The following KAT6B variants were observed in gnomAD, a reference collection of about 807,000 sequenced individuals.
KAT6B encodes lysine acetyltransferase 6B, also known as histone acetyltransferase KAT6B.
Under a neutral mutation model 187.5 loss-of-function variants are expected in KAT6B, and 10 were observed. The observed-to-expected ratio is 0.05, with a 90% CI of 0.03 to 0.09. The LOEUF is 0.09. Among genes scored for constraint, KAT6B ranks in the 10% least tolerant of loss-of-function variants. The probability of loss-of-function intolerance (pLI) is 1.00; values close to 1 mark genes in which losing one functional copy is unlikely to be tolerated. For synonymous variants in KAT6B, 861 were observed against 926.8 expected (o/e 0.93, Z 1.29); for missense variants, 1,952 against 2,558.9 (o/e 0.76, Z 5.12).
intron 1 of KAT6B, among the ~76,000 whole-genome samples, chr10:74,828,442 A>G (rs993615682): frequency 3.4e-5 from 3 of 88,070 alleles, no homozygotes; most frequent in African/African-American, 1.5e-4. Context: ...ATGGGGCCCC[A>G]AGAAGGTTTT....
At chr10:74,860,913 G>A (rs1843132290) in intron 3 of KAT6B, among the ~76,000 whole-genome samples, 1 of 152,158 alleles carries the variant, frequency 6.6e-6, no homozygotes, top group South Asian at 2.1e-4. Context: ...TGAGGCGAGT[G>A]GATCACCTGA....
rs1415385332 is a variant in KAT6B, at chr10:75,030,284, G to A, written c.5460G>A (p.Leu1820=). 1.9e-6 allele frequency: 3 copies of A among 1,614,102 alleles called. No individual in the cohort carries two copies. Among genetic ancestry groups the A allele is most frequent in the African/African-American group, 1.3e-5 (1 of 74,940 alleles). Residue 1820 remains leucine, a synonymous_variant, in exon 18 of 18, where the codon CTG becomes CTA. Transcript: ENST00000287239. This position sits in a 1 kb window ranked among gnomAD's most constrained non-coding sequence, Gnocchi z 4.8. ...QPSATFSLAK[L]QQLTNTLIDH... is the part of the protein sequence containing the mutation. Reference sequence around the variant, plus strand: ...CAGCCACCTTCAGCCTTGCCAAACTGCAGCAGTTAACTAATACACTTATTG... The same window carrying A: ...CAGCCACCTTCAGCCTTGCCAAACTACAGCAGTTAACTAATACACTTATTG...
At chr10:74,914,556 G>A (rs1847511770) in intron 3 of KAT6B, among the ~76,000 whole-genome samples, 3 of 152,160 alleles carry the variant, frequency 2.0e-5, no homozygotes, top group Admixed American at 2.0e-4. Context: ...GATCTTGTGA[G>A]TGAGGGACGT....
At chr10:74,939,123 A>G (rs1468017559) in intron 3 of KAT6B, among the ~76,000 whole-genome samples, 4 of 151,910 alleles carry the variant, frequency 2.6e-5, no homozygotes, top group African/African-American at 9.7e-5. Flanking sequence ...TAGTGTGAAG[A>G]TGGTGTGCTT....
intron 1 of KAT6B, among the ~76,000 whole-genome samples, chr10:74,837,643 G>A (rs965803859): frequency 8.5e-5 from 13 of 152,114 alleles, no homozygotes; most frequent in African/African-American, 3.1e-4. Flanking sequence ...GTTAGATACT[G>A]CTTAGGCTAA....
chr10:74,963,486 T>C (rs950361815), intron 4 of KAT6B, among the ~76,000 whole-genome samples: 2 of 152,128 alleles, frequency 1.3e-5, no homozygotes, highest in Non-Finnish European at 2.9e-5. Flanking sequence ...AAGGCTGCTG[T>C]GATGCAGCTG....
chr10:75,022,026 G>C lies in KAT6B; in HGVS notation c.3167G>C (p.Gly1056Ala). The C allele has an allele frequency of 6.2e-7, 1 of 1,614,076 alleles. No homozygotes were observed. The highest frequency in any genetic ancestry group is 8.5e-7 in the Non-Finnish European group (1 of 1,180,004). The change falls in exon 16 of 18, where the codon GGG becomes GCG. Residue 1056 changes from glycine (G) to alanine (A), a missense_variant. Around this residue, in one of 9 missense-constraint regions of KAT6B, gnomAD observed 758 missense variants for 891.4 expected, o/e 0.85. Coordinates refer to ENST00000287239, the MANE Select transcript of KAT6B (RefSeq NM_012330.4). ...LHSPESRPVT[G>A]ERGQLLELSK... ...TCCCCGGAGAGCCGGCCAGTCACAGGGGAGCGAGGGCAGCTGCTGGAGCTG... is the reference window on the plus strand; with the variant it reads ...TCCCCGGAGAGCCGGCCAGTCACAGCGGAGCGAGGGCAGCTGCTGGAGCTG...
chr10:74,843,055 A>G lies in KAT6B; in HGVS notation c.198A>G (p.Lys66=), dbSNP rs766394284. The G allele has an allele frequency of 6.2e-6, 10 of 1,614,096 alleles. No individual in the cohort carries two copies. The highest frequency in any genetic ancestry group is 7.6e-6 in the Non-Finnish European group (9 of 1,180,036). ...GCTCAGTTCTCAAAGTCACCAACAA[A>G]GGCCTTGCCTCCTATAAGGACCCAG... ...QDGSVLKVTN[K]GLASYKDPDN... is the part of the protein sequence containing the mutation. The change falls in exon 3 of 18, where the codon AAA becomes AAG. Residue 66 remains lysine, a synonymous_variant. Transcript: ENST00000287239.
At chr10:74,825,341 G>GC (rs1443410783), upstream of KAT6B, among the ~76,000 whole-genome samples, 6 of 151,062 alleles carry the variant, frequency 4.0e-5, no homozygotes, top group South Asian at 2.1e-4. This position sits in a 1 kb window ranked among gnomAD's most constrained non-coding sequence, Gnocchi z 5.0. Context: ...GGCGAGAGGA[G>GC]CCCCCCGGGG....
chr10:74,954,228 C>T (rs569071712), intron 3 of KAT6B, among the ~76,000 whole-genome samples: 14 of 152,262 alleles, frequency 9.2e-5, no homozygotes, highest in African/African-American at 2.9e-4. Flanking sequence ...ATCCATTCCA[C>T]AAATACTGTA....
Position 74,979,292 on chromosome 10 carries a change from T to C in KAT6B, c.2184T>C (p.Tyr728=), listed in dbSNP as rs1387209538. ...RYPSVIEFGK[Y]EIQTWYSSPY... is the part of the protein sequence containing the mutation. ...CTTCTGTGATTGAATTTGGTAAATA[T>C]GAAATCCAAACCTGGTACTCCTCGC... Residue 728 remains tyrosine, a synonymous_variant, in exon 10 of 18, where the codon TAT becomes TAC. Transcript: ENST00000287239. 2 of 1,613,958 alleles carry C rather than the reference T, an allele frequency of 1.2e-6. No individual in the cohort carries two copies. The highest frequency in any genetic ancestry group is 3.3e-5 in the Admixed American group (2 of 60,002).
Position 75,011,546 on chromosome 10 carries a change from A to G in KAT6B, c.2630-9036A>G, listed in dbSNP as rs1844606599. On this transcript the variant is annotated intron_variant, in intron 13 of 17. Transcript: ENST00000287239. ...AATTTGGTAAGCTATTCTTACATCA[A>G]CATATTTTTAAAAATTCTTGCCTTC... Among the ~76,000 whole-genome samples, 3 of 152,208 alleles carry G rather than the reference A, an allele frequency of 2.0e-5. No individual in the cohort carries two copies. The South Asian group carries it at 6.2e-4, about 32-fold the overall frequency.
chr10:74,830,827 A>T (rs1174190185), intron 1 of KAT6B, among the ~76,000 whole-genome samples: 1 of 98,784 alleles, frequency 1.0e-5, no homozygotes, highest in East Asian at 3.5e-4. Flanking sequence ...TGCTTTTGTC[A>T]CCCAGGCTGG....
At chr10:74,936,220 G>T (rs962432844) in intron 3 of KAT6B, among the ~76,000 whole-genome samples, 1 of 152,020 alleles carries the variant, frequency 6.6e-6, no homozygotes, top group Non-Finnish European at 1.5e-5. Context: ...GGCCAACATG[G>T]TGAAACCCTG....
chr10:75,001,502 T>C (rs983007644), intron 13 of KAT6B, among the ~76,000 whole-genome samples: 2 of 152,172 alleles, frequency 1.3e-5, no homozygotes, highest in East Asian at 3.8e-4. Flanking sequence ...AGAAAGCTGC[T>C]TCTTCCCAGA....
At chr10:74,845,977 C>A (rs972507683) in intron 3 of KAT6B, among the ~76,000 whole-genome samples, 1 of 151,678 alleles carries the variant, frequency 6.6e-6, no homozygotes. Context: ...GATGCTCTCA[C>A]CTCAGCCACC....
chr10:74,915,897 TGG>T (rs1847640335), intron 3 of KAT6B, among the ~76,000 whole-genome samples: 1 of 152,222 alleles, frequency 6.6e-6, no homozygotes, highest in Non-Finnish European at 1.5e-5. Context: ...CTGGGCGTGG[TGG>T]CTCATACCTA....
At chr10:74,948,189 G>A (rs1018558440) in intron 3 of KAT6B, among the ~76,000 whole-genome samples, 3 of 152,220 alleles carry the variant, frequency 2.0e-5, no homozygotes, top group Admixed American at 6.5e-5. Context: ...ACACCAGATG[G>A]TTTGTGTGCC....
At chr10:74,946,845 C>T (rs1839983171) in intron 3 of KAT6B, among the ~76,000 whole-genome samples, 1 of 152,118 alleles carries the variant, frequency 6.6e-6, no homozygotes, top group Non-Finnish European at 1.5e-5. Context: ...GCTCATCAAA[C>T]TGTACATTTC....
Sources: gnomAD v4.1 joint callset for allele counts (sites outside exome capture counted in the v4.1 genomes callset) on GRCh38, gnomAD v4.1.1 for gene constraint, gnomAD v4.1.1 regional missense constraint, Gnocchi (gnomAD v3.1) non-coding constraint, MANE v1.5 for transcripts, NCBI Gene and HGNC (gene_info 2026-07-23, HGNC 2026-07-21) for gene names.